SPTBN1: variants seen among roughly 807,000 people sequenced by gnomAD.
SPTBN1 encodes the protein spectrin beta, non-erythrocytic 1, also known as spectrin beta chain, non-erythrocytic 1.
In SPTBN1, 32 loss-of-function variants were observed where a neutral mutation model predicts 266.4. The ratio of observed to expected loss-of-function variants is 0.12; its 90% CI spans 0.09 to 0.16. The LOEUF (loss-of-function observed/expected upper bound fraction) is 0.16, where lower values mean the gene tolerates loss of function less well. Among genes scored for constraint, SPTBN1 ranks in the 10% least tolerant of loss-of-function variants. The probability of loss-of-function intolerance (pLI) is 1.00; values close to 1 mark genes in which losing one functional copy is unlikely to be tolerated. For synonymous variants in SPTBN1, 1,336 were observed against 1,162.2 expected, an observed-to-expected ratio of 1.15 and a Z score of -3.04; for missense variants, 2,296 against 3,067.1, an observed-to-expected ratio of 0.75 and a Z score of 5.94.
chr2:54,609,095 A>C (rs1677048847), intron 3 of SPTBN1, among the ~76,000 whole-genome samples: 1 of 152,178 alleles, frequency 6.6e-6, no homozygotes, highest in Non-Finnish European at 1.5e-5. Context: ...CAGAAGAGGC[A>C]GGGACACTTG....
intron 2 of SPTBN1, among the ~76,000 whole-genome samples, chr2:54,597,822 C>T (rs914493443): frequency 6.6e-6 from 1 of 151,714 alleles, no homozygotes. Flanking sequence ...TTGTTACCCC[C>T]ACCCAGTGGT....
chr2:54,510,583 C>T (rs1025243158), intron 1 of SPTBN1, among the ~76,000 whole-genome samples: 1 of 152,210 alleles, frequency 6.6e-6, no homozygotes, highest in African/African-American at 2.4e-5. Context: ...ACAACAGAAG[C>T]AACTGCTTTG....
chr2:54,590,083 G>A (rs1034116727), intron 2 of SPTBN1, among the ~76,000 whole-genome samples: 1 of 152,164 alleles, frequency 6.6e-6, no homozygotes, highest in Non-Finnish European at 1.5e-5. Flanking sequence ...TCACTTTACC[G>A]TACAGGTATG....
chr2:54,649,819 G>A lies in SPTBN1; in HGVS notation c.5407G>A (p.Ala1803Thr), dbSNP rs372319582. Reference protein sequence around the residue: ...LIDTRTQILAASYELHKFYHD... With the variant: ...LIDTRTQILATSYELHKFYHD... ...TGACACAAGAACACAGATTCTTGCC[G>A]CTTCCTATGAACTGCACAAGTTTTA... The change falls in exon 26 of 36, where the codon GCT becomes ACT. Residue 1803 changes from alanine to threonine, a missense_variant. By Grantham distance (58) the Ala-to-Thr change is moderately conservative. Transcript: ENST00000356805. The surrounding 1 kb of genome is among the most constrained non-coding windows in gnomAD (Gnocchi z 6.7). 32 of 1,614,058 alleles carry A rather than the reference G, an allele frequency of 2.0e-5. No homozygotes were observed. Among genetic ancestry groups the A allele is most frequent in the East Asian group, 1.8e-4 (8 of 44,902 alleles).
chr2:54,620,724 A>C (rs1338400921), intron 7 of SPTBN1, among the ~76,000 whole-genome samples: 1 of 152,228 alleles, frequency 6.6e-6, no homozygotes, highest in African/African-American at 2.4e-5. Flanking sequence ...CCAATGCTTG[A>C]CACTTAAAAG....
chr2:54,571,160 G>T (rs1034518403), intron 2 of SPTBN1, among the ~76,000 whole-genome samples: 4 of 152,176 alleles, frequency 2.6e-5, no homozygotes, highest in African/African-American at 9.6e-5. Flanking sequence ...AAGGGAAGTG[G>T]CTCAGAACAT....
At position 54,649,072 on chromosome 2, in the gene SPTBN1, A is replaced by G. The variant is rs779959644; in HGVS notation, c.5084A>G (p.Asp1695Gly). The change falls in exon 25 of 36, where the codon GAT becomes GGT. Residue 1695 changes from aspartate (D) to glycine (G), a missense_variant. By Grantham distance (94) the Asp-to-Gly change is moderately conservative. Around this residue, in one of 12 missense-constraint regions of SPTBN1, gnomAD observed 644 missense variants for 745.3 expected, o/e 0.86. Transcript: ENST00000356805. This position sits in a 1 kb window ranked among gnomAD's most constrained non-coding sequence, Gnocchi z 6.7. ...GCTGAAGAGAGAAGAGGCAAGCTGG[A>G]TGAGAGACACAGGTTATTCCAGCTC... The part of the protein sequence containing the change: ...DLAEERRGKL[D>G]ERHRLFQLNR... 5.0e-6 allele frequency: 8 copies of G among 1,614,214 alleles called. No individual in the cohort carries two copies. Among genetic ancestry groups the G allele is most frequent in the East Asian group, 2.2e-5 (1 of 44,888 alleles).
At chr2:54,522,278 C>T (rs934157350) in intron 1 of SPTBN1, among the ~76,000 whole-genome samples, 2 of 152,048 alleles carry the variant, frequency 1.3e-5, no homozygotes, top group African/African-American at 4.8e-5. Flanking sequence ...AAAAAAGGTG[C>T]TTTAGTTCTC....
Position 54,624,871 on chromosome 2 carries a change from A to G in SPTBN1, c.1250A>G (p.Gln417Arg). Residue 417 changes from glutamine to arginine, a missense_variant, in exon 11 of 36, where the codon CAG becomes CGG. Around this residue, in one of 12 missense-constraint regions of SPTBN1, gnomAD observed 148 missense variants for 203.8 expected, o/e 0.73. Transcript: ENST00000356805. ...ELALRNELIR[Q>R]EKLEQLARRF... Reference sequence around the variant, plus strand: ...GCTTTGCGGAATGAGCTCATAAGACAGGAGAAACTGGAACAGCTCGCCCGC... The same window carrying G: ...GCTTTGCGGAATGAGCTCATAAGACGGGAGAAACTGGAACAGCTCGCCCGC... 6.2e-7 allele frequency: 1 copy of G among 1,614,224 alleles called. No individual in the cohort carries two copies. The highest frequency in any genetic ancestry group is 8.5e-7 in the Non-Finnish European group (1 of 1,180,036).
chr2:54,501,321 A>G (rs1669257731), intron 1 of SPTBN1, among the ~76,000 whole-genome samples: 1 of 151,434 alleles, frequency 6.6e-6, no homozygotes, highest in Non-Finnish European at 1.5e-5. Flanking sequence ...TTATTCCTTT[A>G]GAAAGAAATA....
In SPTBN1 at chr2:54,529,476, C is replaced by T. The variant is rs576722899; in HGVS notation, c.148+2910C>T. The T allele has an allele frequency of 4.9e-5, 35 of 715,816 alleles. No individual in the cohort carries two copies. In the African/African-American group the frequency reaches 5.7e-4, roughly 12 times the overall value. 44.3% of individuals were successfully genotyped at this position (715,816 alleles called of 1,614,324 possible). The stretch of plus-strand genomic sequence containing the variant: ...AAAAAAAAGAAGATCCGCATGTCAC[C>T]CACCTTCCAGCGGCCCAAGACACTG... On this transcript the variant is annotated intron_variant, in intron 2 of 35. Transcript: ENST00000356805.
intron 3 of SPTBN1, among the ~76,000 whole-genome samples, chr2:54,607,829 T>C (rs560442957): frequency 1.3e-5 from 2 of 152,306 alleles, no homozygotes; most frequent in East Asian, 1.9e-4. Flanking sequence ...CATAATCTTA[T>C]TTCCTCAAGG....
rs1307729851 is a variant in SPTBN1, at chr2:54,647,401, C to G, written c.4997+140C>G. ...AAATCTTTGAGAAGCATTTTTAAAA[C>G]AGACCCATCATTTAAAACATCCTAT... On this transcript the variant is annotated intron_variant, in intron 24 of 35. Transcript: ENST00000356805. 3 of 1,164,004 alleles carry G rather than the reference C, an allele frequency of 2.6e-6. No individual in the cohort carries two copies. The African/African-American group carries it at 4.6e-5, about 18-fold the overall frequency. 72.1% of individuals were successfully genotyped at this position (1,164,004 alleles called of 1,614,324 possible). A position where few individuals can be genotyped will look rare whatever the true frequency, so the allele number is the denominator to read the frequency against.
intron 1 of SPTBN1, among the ~76,000 whole-genome samples, chr2:54,510,443 G>A (rs1669797243): frequency 6.6e-6 from 1 of 152,188 alleles, no homozygotes; most frequent in Admixed American, 6.5e-5. Flanking sequence ...TAAAAATCCA[G>A]CTACTGCTGG....
rs115916316 is a variant in SPTBN1 at position 54,489,745 on chromosome 2, C to G, written c.-48+33227C>G. Among the ~76,000 whole-genome samples the G allele has an allele frequency of 6.1e-3, 933 of 152,264 alleles. 10 individuals carry two copies. The highest frequency in any genetic ancestry group is 0.021 in the African/African-American group (880 of 41,540). ...ACAATTCTGATTTGAGAGCTGATGA[C>G]AGTTGCAGATGATTAAGAGCTTTTA... On this transcript the variant is annotated intron_variant, in intron 1 of 35. Coordinates refer to ENST00000356805, the MANE Select transcript of SPTBN1 (RefSeq NM_003128.3).
rs1441379741 is a variant in SPTBN1 at position 54,643,012 on chromosome 2, C to T, written c.3888C>T (p.Leu1296=). ...CTCTCTGGATCAATGAGAAGATGCT[C>T]ACAGCCCAGGACATGTCTTACGATG... The part of the protein sequence containing the change: ...ELSLWINEKM[L]TAQDMSYDEA... The change falls in exon 19 of 36, where the codon CTC becomes CTT. Residue 1296 remains leucine (L), a synonymous_variant. Coordinates refer to ENST00000356805, the MANE Select transcript of SPTBN1 (RefSeq NM_003128.3). 1.9e-6 allele frequency: 3 copies of T among 1,613,628 alleles called. No homozygotes were observed. Among genetic ancestry groups the T allele is most frequent in the African/African-American group, 1.3e-5 (1 of 74,914 alleles).
chr2:54,458,905 A>G (rs1309562683), intron 1 of SPTBN1, among the ~76,000 whole-genome samples: 1 of 152,232 alleles, frequency 6.6e-6, no homozygotes, highest in African/African-American at 2.4e-5. Flanking sequence ...TTTTGATTTC[A>G]TGTGGCTCTG....
chr2:54,628,798 G>A lies in SPTBN1; in HGVS notation c.1799-135G>A, dbSNP rs567648521. ...TTAGAAGGTGCTCCATTGCCTTATC[G>A]CATGGCCCTGCATTTACATTTAGCA... is the stretch of plus-strand genomic sequence containing the variant. On this transcript the variant is annotated intron_variant, in intron 13 of 35. Coordinates refer to ENST00000356805, the MANE Select transcript of SPTBN1 (RefSeq NM_003128.3). This position sits in a 1 kb window ranked among gnomAD's most constrained non-coding sequence, Gnocchi z 4.3. The A allele has an allele frequency of 3.6e-5, 42 of 1,162,304 alleles. No individual in the cohort carries two copies. The highest frequency in any genetic ancestry group is 3.2e-4 in the East Asian group (13 of 40,056). 72.0% of individuals were successfully genotyped at this position (1,162,304 alleles called of 1,614,324 possible).
intron 1 of SPTBN1, among the ~76,000 whole-genome samples, chr2:54,490,496 A>G (rs563810188): frequency 6.6e-6 from 1 of 152,332 alleles, no homozygotes; most frequent in East Asian, 1.9e-4. Context: ...AATTTGAACA[A>G]TCTTGAAATC....
Sources: gnomAD v4.1 joint callset for allele counts (sites outside exome capture counted in the v4.1 genomes callset) on GRCh38, gnomAD v4.1.1 for gene constraint, gnomAD v4.1.1 regional missense constraint, Gnocchi (gnomAD v3.1) non-coding constraint, MANE v1.5 for transcripts, NCBI Gene and HGNC (gene_info 2026-07-23, HGNC 2026-07-21) for gene names.